SHBG: variants seen among roughly 807,000 people sequenced by gnomAD.
SHBG encodes the protein sex hormone binding globulin, also known as sex hormone-binding globulin.
A neutral mutation model predicts 41.9 loss-of-function variants in SHBG; 37 were observed. The ratio of observed to expected loss-of-function variants is 0.88; its 90% CI spans 0.68 to 1.16. The LOEUF is 1.16. Ranked by LOEUF, SHBG falls within the 50% of genes most tolerant of loss-of-function variation. SHBG has a pLI of 0.00. For missense variants in SHBG, 466 were observed against 499.9 expected (o/e 0.93, Z 0.65); for synonymous variants, 217 against 205.8 (o/e 1.05, Z -0.47).
rs527389304 is a variant in SHBG, at chr17:7,621,741, A to C, written c.-62+7630A>C. On this transcript the variant is annotated intron_variant, in intron 1 of 5. Coordinates refer to the SHBG transcript ENST00000570547. ...CCCATGGAATTGGGGGAGAAATTAC[A>C]GAAGGAGGCTGGGAGACCAGTAAGG... 6.7e-4 allele frequency among the ~76,000 whole-genome samples: 102 copies of C among 151,754 alleles called. 2 individuals are homozygous for C. The South Asian group carries it at 0.015, about 22-fold the overall frequency.
upstream of SHBG, chr17:7,627,133 G>A (rs779425657): frequency 3.1e-6 from 5 of 1,613,936 alleles, no homozygotes; most frequent in South Asian, 5.5e-5. This position sits in a 1 kb window ranked among gnomAD's most constrained non-coding sequence, Gnocchi z 4.8. Flanking sequence ...TAAGGGCCAG[G>A]TGCTCTTACC....
intron 1 of SHBG, among the ~76,000 whole-genome samples, chr17:7,620,743 G>C (rs1252389446): frequency 6.6e-6 from 1 of 151,648 alleles, no homozygotes; most frequent in African/African-American, 2.4e-5. Context: ...TGATTCTCCT[G>C]TCTCAGTTTC....
At chr17:7,626,191 A>C (rs1264259440), upstream of SHBG, 2 of 61,416 alleles carry the variant, frequency 3.3e-5, no homozygotes, top group Non-Finnish European at 5.1e-5. Flanking sequence ...CTCTGTCTCA[A>C]AAAAAAAAAA....
chr17:7,633,043 C>T (rs2072471003), intron 7 of SHBG, 84 bp downstream of exon 7: 34 of 1,443,596 alleles, frequency 2.4e-5, no homozygotes, highest in Middle Eastern at 2.0e-4. Context: ...GGAAGGAAAC[C>T]TCTGGGAGGG....
chr17:7,627,592 CCA>C (rs752607797), upstream of SHBG: 12 of 1,612,290 alleles, frequency 7.4e-6, no homozygotes, highest in Admixed American at 1.7e-4. The surrounding 1 kb of genome is among the most constrained non-coding windows in gnomAD (Gnocchi z 4.8). Context: ...CAGGATATCT[CCA>C]CAGTCTCCCT....
upstream of SHBG, chr17:7,627,148 A>C (rs923213750): frequency 1.2e-6 from 2 of 1,614,012 alleles, no homozygotes; most frequent in African/African-American, 2.7e-5. This position sits in a 1 kb window ranked among gnomAD's most constrained non-coding sequence, Gnocchi z 4.8. Context: ...CTTACCCAGT[A>C]GCTTCCCGGG....
Position 7,630,223 on chromosome 17 carries a change from G to C in SHBG, c.51G>C (p.Leu17=). The C allele has an allele frequency of 6.2e-7, 1 of 1,612,902 alleles. No individual in the cohort carries two copies. The highest frequency in any genetic ancestry group is 8.5e-7 in the Non-Finnish European group (1 of 1,179,490). ...LATSRLLLLL[L]LLLLRHTRQG... is the part of the protein sequence containing the mutation. Reference sequence around the variant, plus strand: ...CCTCGCGCCTGCTGCTGTTGCTGCTGTTGCTACTACTGCGTCACACCCGCC... The same window carrying C: ...CCTCGCGCCTGCTGCTGTTGCTGCTCTTGCTACTACTGCGTCACACCCGCC... The change falls in exon 1 of 8, where the codon CTG becomes CTC. Residue 17 remains leucine, a synonymous_variant. Coordinates refer to ENST00000380450, the MANE Select transcript of SHBG (RefSeq NM_001040.5). The surrounding 1 kb of genome is among the most constrained non-coding windows in gnomAD (Gnocchi z 4.6).
chr17:7,630,114 C>T (rs1384375258), upstream of SHBG: 17 of 1,427,206 alleles, frequency 1.2e-5, no homozygotes, highest in Non-Finnish European at 1.6e-5. This position sits in a 1 kb window ranked among gnomAD's most constrained non-coding sequence, Gnocchi z 4.6. Context: ...CGCAAGGCTG[C>T]CTGCCTCTAC....
At chr17:7,626,661 AG>A (rs371333222), upstream of SHBG, 97 of 1,610,926 alleles carry the variant, frequency 6.0e-5, no homozygotes, top group East Asian at 1.6e-3. Flanking sequence ...AAAAAGAAAA[AG>A]GTTTTCTCAC....
At chr17:7,616,672 T>C (rs2071999347) in intron 1 of SHBG, among the ~76,000 whole-genome samples, 1 of 151,580 alleles carries the variant, frequency 6.6e-6, no homozygotes, top group African/African-American at 2.4e-5. Context: ...GCGCGGTGGC[T>C]CACGCCTGTA....
chr17:7,625,978 C>T (rs766851573), upstream of SHBG, among the ~76,000 whole-genome samples: 10 of 150,770 alleles, frequency 6.6e-5, no homozygotes, highest in East Asian at 2.0e-4. Flanking sequence ...CCGAGGCGGA[C>T]GGATCACGAG....
rs1481992274 is a variant in SHBG, at chr17:7,632,877, T to C, written c.978T>C (p.Leu326=). Reference sequence around the variant, plus strand: ...GCCAAGGGTCGAAGATGAAGGCCCTTGCCCTGCCTCCCTTAGGCCTGGCTC... The same window carrying C: ...GCCAAGGGTCGAAGATGAAGGCCCTCGCCCTGCCTCCCTTAGGCCTGGCTC... ...VLSQGSKMKA[L]ALPPLGLAPL... is the part of the protein sequence containing the mutation. The change falls in exon 7 of 8, where the codon CTT becomes CTC. Residue 326 remains leucine, a synonymous_variant. Coordinates refer to ENST00000380450, the MANE Select transcript of SHBG (RefSeq NM_001040.5). 1.9e-6 allele frequency: 3 copies of C among 1,614,176 alleles called. No homozygotes were observed.
At chr17:7,615,056 G>A (rs1052447088) in intron 1 of SHBG, among the ~76,000 whole-genome samples, 2 of 152,142 alleles carry the variant, frequency 1.3e-5, no homozygotes, top group Non-Finnish European at 2.9e-5. Context: ...TAGCGCTTGC[G>A]CAGAACAAGA....
chr17:7,615,293 CT>C (rs989036579), intron 1 of SHBG, among the ~76,000 whole-genome samples: 1 of 152,072 alleles, frequency 6.6e-6, no homozygotes, highest in African/African-American at 2.4e-5. Context: ...TGAACGACTG[CT>C]TGGTCACTTT....
Position 7,630,206 on chromosome 17 carries a change from C to CTGCTGCTGT in SHBG, c.48_56dup (p.Leu19_Leu21dup), listed in dbSNP as rs768937368. The CTGCTGCTGT allele has an allele frequency of 6.8e-6, 11 of 1,613,600 alleles. No homozygotes were observed. The highest frequency in any genetic ancestry group is 1.3e-5 in the African/African-American group (1 of 74,912). On this transcript the variant is annotated inframe_insertion, in exon 1 of 8. Coordinates refer to ENST00000380450, the MANE Select transcript of SHBG (RefSeq NM_001040.5). The surrounding 1 kb of genome is among the most constrained non-coding windows in gnomAD (Gnocchi z 4.6). Reference sequence around the variant, plus strand: ...CAGAGGCCCACTGGCTACCTCGCGCCTGCTGCTGTTGCTGCTGTTGCTACT... The same window carrying CTGCTGCTGT: ...CAGAGGCCCACTGGCTACCTCGCGCCTGCTGCTGTTGCTGCTGTTGCTGCTGTTGCTACT...
chr17:7,614,549 C>G (rs2150951265), intron 1 of SHBG: 2 of 1,443,322 alleles, frequency 1.4e-6, no homozygotes, highest in African/African-American at 3.0e-5. Context: ...GCCACCGCCT[C>G]CGACTCCCCC....
intron 7 of SHBG, 62 bp from the exon 8 acceptor site, chr17:7,633,142 G>T (rs55784804): frequency 0.098 from 155,716 of 1,592,662 alleles, 8,593 homozygotes; most frequent in Middle Eastern, 0.19. Flanking sequence ...AAAGTGGGGA[G>T]AAGATTCTGG....
chr17:7,615,653 C>A (rs1289589706), intron 1 of SHBG, among the ~76,000 whole-genome samples: 1 of 131,198 alleles, frequency 7.6e-6, no homozygotes, highest in African/African-American at 3.0e-5. Flanking sequence ...ACCCACCCCC[C>A]CCCCCACCCC....
chr17:7,625,951 C>G (rs1219468644), upstream of SHBG, among the ~76,000 whole-genome samples: 23 of 151,212 alleles, frequency 1.5e-4, 1 homozygote. Flanking sequence ...CACCAGTAAT[C>G]CCAGCACTTT....
Sources: allele counts gnomAD v4.1 joint callset (sites outside exome capture counted in the v4.1 genomes callset), GRCh38; gene constraint gnomAD v4.1.1; non-coding constraint Gnocchi (gnomAD v3.1); transcripts MANE v1.5; gene names NCBI Gene and HGNC (gene_info 2026-07-23, HGNC 2026-07-21).